RPN1: variants seen among roughly 807,000 people sequenced by gnomAD.
The protein encoded by RPN1 is dolichyl-diphosphooligosaccharide--protein glycosyltransferase subunit 1.
Under a neutral mutation model 55.5 loss-of-function variants are expected in RPN1, and 12 were observed. The observed-to-expected ratio is 0.22, with a 90% CI of 0.14 to 0.35. RPN1 has a LOEUF of 0.35. Ranked by LOEUF, RPN1 falls within the 10% of genes least tolerant of loss-of-function variation. RPN1 has a pLI of 1.00. For synonymous variants in RPN1, 317 were observed against 305.9 expected, an observed-to-expected ratio of 1.04 and a Z score of -0.38; for missense variants, 679 against 761.3, an observed-to-expected ratio of 0.89 and a Z score of 1.27.
intron 1 of RPN1, among the ~76,000 whole-genome samples, chr3:128,646,596 G>C (rs1041577110): frequency 1.3e-5 from 2 of 152,038 alleles, no homozygotes; most frequent in Non-Finnish European, 2.9e-5. Flanking sequence ...TGAGGCAGGA[G>C]AATTGCTTGA....
chr3:128,622,054 A>C lies in RPN1; in HGVS notation c.1641+110T>G, dbSNP rs978134005. On this transcript the variant is annotated intron_variant, in intron 9 of 9. Transcript: ENST00000296255. ...AAAAGTTATGGCCAGATGCAGTCTT[A>C]TCCCACAAGCATGCAGGTAAGCAAG... The C allele has an allele frequency of 2.8e-6, 3 of 1,090,674 alleles. No homozygotes were observed. The African/African-American group carries it at 4.7e-5, about 17-fold the overall frequency. The allele number at this position is 1,090,674 out of a possible 1,614,324, so 67.6% of individuals were successfully genotyped here. A position where few individuals can be genotyped will look rare whatever the true frequency, so the allele number is the denominator to read the frequency against.
At chr3:128,637,668 C>G in intron 3 of RPN1, 131 bp downstream of exon 3, 1 of 925,088 alleles carries the variant, frequency 1.1e-6, no homozygotes, top group South Asian at 1.6e-5. Context: ...AGGTTAAACA[C>G]TTTTGGGATG....
chr3:128,645,999 C>A (rs1357377455), intron 1 of RPN1, among the ~76,000 whole-genome samples: 5 of 152,014 alleles, frequency 3.3e-5, no homozygotes, highest in Admixed American at 2.0e-4. Flanking sequence ...AATCCCAGCA[C>A]TTTGGGAGGC....
intron 2 of RPN1, among the ~76,000 whole-genome samples, chr3:128,639,402 C>T (rs2069707930): frequency 6.9e-6 from 1 of 145,894 alleles, no homozygotes. Context: ...TGCAGTGCGC[C>T]GAGATCGTGC....
chr3:128,643,622 C>T (rs570918722), intron 2 of RPN1, among the ~76,000 whole-genome samples: 1 of 152,092 alleles, frequency 6.6e-6, no homozygotes, highest in South Asian at 2.1e-4. Flanking sequence ...ATGGTGAAAC[C>T]CCATCTCTAT....
intron 3 of RPN1, among the ~76,000 whole-genome samples, chr3:128,636,065 T>C (rs1220598889): frequency 1.3e-5 from 2 of 152,178 alleles, no homozygotes; most frequent in African/African-American, 4.8e-5. Flanking sequence ...TACGAAATCA[T>C]GTTGTTTTCA....
At chr3:128,625,477 C>T in intron 8 of RPN1, 57 bp downstream of exon 8, 1 of 1,613,056 alleles carries the variant, frequency 6.2e-7, no homozygotes, top group East Asian at 2.2e-5. Context: ...AGTGCTCAAG[C>T]TGGTGAAATA....
intron 3 of RPN1, among the ~76,000 whole-genome samples, chr3:128,633,677 C>T (rs1471703642): frequency 6.6e-6 from 1 of 152,014 alleles, no homozygotes; most frequent in East Asian, 1.9e-4. Flanking sequence ...CAAATAAGCT[C>T]TAGGACATCA....
At chr3:128,623,320 T>C (rs539026158) in intron 8 of RPN1, among the ~76,000 whole-genome samples, 53 of 152,256 alleles carry the variant, frequency 3.5e-4, no homozygotes, top group African/African-American at 1.1e-3. Flanking sequence ...GCAGATTGCT[T>C]GAGTCCAGGA....
chr3:128,621,438 G>A (rs1293610127), intron 9 of RPN1, among the ~76,000 whole-genome samples: 1 of 152,192 alleles, frequency 6.6e-6, no homozygotes, highest in Non-Finnish European at 1.5e-5. Flanking sequence ...GGCTTGCAGT[G>A]AGCAGAGATT....
At chr3:128,630,625 C>T (rs940850213) in intron 4 of RPN1, among the ~76,000 whole-genome samples, 1 of 150,832 alleles carries the variant, frequency 6.6e-6, no homozygotes, top group East Asian at 1.9e-4. Context: ...TTCTATCATA[C>T]ATAAGTAAAA....
chr3:128,644,806 C>T (rs1237301962), intron 2 of RPN1, 113 bp downstream of exon 2: 1 of 675,986 alleles, frequency 1.5e-6, no homozygotes, highest in Non-Finnish European at 2.7e-6. Context: ...AAAAAAAAAA[C>T]CCTGTAATAA....
chr3:128,626,366 G>A (rs1409001685), intron 6 of RPN1, among the ~76,000 whole-genome samples: 2 of 152,170 alleles, frequency 1.3e-5, no homozygotes, highest in African/African-American at 2.4e-5. Context: ...GATGCCTCAC[G>A]AGCTGTTCTG....
chr3:128,650,638 G>T lies in RPN1; in HGVS notation c.163C>A (p.Leu55Met). 2 of 1,557,028 alleles carry T rather than the reference G, an allele frequency of 1.3e-6. No homozygotes were observed. The highest frequency in any genetic ancestry group is 8.7e-7 in the Non-Finnish European group (1 of 1,150,364). ...GTGGAGCCGCCGCCCAGGTGCGCCA[G>T]GACCACCTCGGCCGTCACCTTAGCC... ...HLAKVTAEVVLAHLGGGSTSR... is the reference protein window; with the variant it reads ...HLAKVTAEVVMAHLGGGSTSR... Residue 55 changes from leucine (L) to methionine (M), a missense_variant, in exon 1 of 10, where the codon CTG becomes ATG. By Grantham distance (15) the Leu-to-Met change is conservative. Transcript: ENST00000296255.
chr3:128,622,169 C>A lies in RPN1; in HGVS notation c.1636G>T (p.Asp546Tyr). The change falls in exon 9 of 10, where the codon GAC becomes TAC. Residue 546 changes from aspartate to tyrosine, a missense_variant. By Grantham distance (160) the Asp-to-Tyr change is radical. This residue lies in a region of RPN1 where 306 missense variants were observed against 360.0 expected (regional missense o/e 0.85). Transcript: ENST00000296255. ...CTGTGACGCCCGACACTTACTCTGT[C>A]GCACAGATCAGAGCCCTCTGTCTTC... ...RLKTEGSDLC[D>Y]RVSEMQKLDA... 1 of 1,614,088 alleles carries A rather than the reference C, an allele frequency of 6.2e-7. No individual in the cohort carries two copies. Among genetic ancestry groups the A allele is most frequent in the South Asian group, 1.1e-5 (1 of 91,030 alleles).
chr3:128,644,810 G>A (rs1275944610), intron 2 of RPN1, 109 bp downstream of exon 2: 1 of 701,554 alleles, frequency 1.4e-6, no homozygotes, highest in Non-Finnish European at 2.6e-6. Flanking sequence ...AAAAAACCCT[G>A]TAATAAAGCA....
At position 128,620,029 on chromosome 3, in the gene RPN1, A is replaced by C. The variant is rs1392118620; in HGVS notation, c.*382T>G. The C allele has an allele frequency of 3.1e-5, 7 of 226,304 alleles. No individual in the cohort carries two copies. The East Asian group carries it at 4.6e-4, about 15-fold the overall frequency. The allele number at this position is 226,304 out of a possible 1,614,324, so 14.0% of individuals were successfully genotyped here. ...CACACACGCTTTAAAAAAAAAAAAA[A>C]AAACACATGCACTCACACAATACCC... On this transcript the variant is annotated 3_prime_UTR_variant, in exon 10 of 10. Transcript: ENST00000296255.
rs957725702 is a variant in RPN1, at chr3:128,621,877, A to C, written c.1641+287T>G. Among the ~76,000 whole-genome samples the C allele has an allele frequency of 2.6e-5, 4 of 152,320 alleles. No homozygotes were observed. In the South Asian group the frequency reaches 8.3e-4, roughly 32 times the overall value. On this transcript the variant is annotated intron_variant, in intron 9 of 9. Coordinates refer to ENST00000296255, the MANE Select transcript of RPN1 (RefSeq NM_002950.4). ...ACAACATAAGCAGCCTGGGACCTAG[A>C]ACAGTCTGGCCTCCAGGAGAGGATG...
At chr3:128,627,078 A>G in intron 5 of RPN1, 1 of 479,894 alleles carries the variant, frequency 2.1e-6, no homozygotes, top group Non-Finnish European at 3.8e-6. Flanking sequence ...TGTGAAGGAG[A>G]ACGCAGAGAG....
Sources: gnomAD v4.1 joint callset for allele counts (sites outside exome capture counted in the v4.1 genomes callset) on GRCh38, gnomAD v4.1.1 for gene constraint, gnomAD v4.1.1 regional missense constraint, MANE v1.5 for transcripts, NCBI Gene and HGNC (gene_info 2026-07-23, HGNC 2026-07-21) for gene names.